The following ANKS1B variants were observed in gnomAD, a reference collection of about 807,000 sequenced individuals.
The protein encoded by ANKS1B is ankyrin repeat and sterile alpha motif domain containing 1B.
A neutral mutation model predicts 148.3 loss-of-function variants in ANKS1B; 36 were observed. The observed-to-expected ratio is 0.24, with a 90% CI of 0.19 to 0.32. The LOEUF is 0.32. Among genes scored for constraint, ANKS1B ranks in the 10% least tolerant of loss-of-function variants. The pLI, the probability that ANKS1B is intolerant of heterozygous loss-of-function variation, is 1.00. For synonymous variants in ANKS1B, 542 were observed against 560.8 expected (o/e 0.97, Z 0.47); for missense variants, 1,157 against 1,542.6 (o/e 0.75, Z 4.19).
intron 8 of ANKS1B, among the ~76,000 whole-genome samples, chr12:99,735,894 T>A (rs1417759784): frequency 7.0e-6 from 1 of 143,686 alleles, no homozygotes; most frequent in Non-Finnish European, 1.5e-5. Flanking sequence ...TCATAGCACA[T>A]CAAAAAGATA....
chr12:99,750,190 G>GT (rs1469154444), intron 8 of ANKS1B, among the ~76,000 whole-genome samples: 1 of 151,970 alleles, frequency 6.6e-6, no homozygotes, highest in Admixed American at 6.6e-5. Flanking sequence ...TTTTATGTGA[G>GT]TGAATGCATC....
At chr12:99,563,494 T>C (rs1034424141) in intron 9 of ANKS1B, among the ~76,000 whole-genome samples, 9 of 152,092 alleles carry the variant, frequency 5.9e-5, no homozygotes, top group African/African-American at 1.7e-4. Context: ...AGCTAGTCGG[T>C]GGAGCAGTCA....
intron 1 of ANKS1B, among the ~76,000 whole-genome samples, chr12:99,844,001 G>A (rs758918092): frequency 3.3e-5 from 5 of 152,090 alleles, no homozygotes; most frequent in Admixed American, 6.6e-5. Flanking sequence ...CTAATGATAG[G>A]TGATGTTGAG....
At chr12:99,764,742 A>C (rs1184174824) in intron 8 of ANKS1B, among the ~76,000 whole-genome samples, 1 of 152,224 alleles carries the variant, frequency 6.6e-6, no homozygotes, top group Non-Finnish European at 1.5e-5. Context: ...CCATTTTACT[A>C]AAATATATTT....
chr12:98,802,753 C>T (rs1384947732), intron 20 of ANKS1B, among the ~76,000 whole-genome samples: 1 of 151,800 alleles, frequency 6.6e-6, no homozygotes, highest in African/African-American at 2.4e-5. Flanking sequence ...CTAGTTGGAA[C>T]TCCTTCGGCT....
At chr12:99,556,410 G>T (rs983606796) in intron 9 of ANKS1B, among the ~76,000 whole-genome samples, 1 of 151,734 alleles carries the variant, frequency 6.6e-6, no homozygotes, top group Admixed American at 6.6e-5. Flanking sequence ...TTTTTTTTGG[G>T]GGGGAGCATG....
At chr12:98,794,657 G>T in intron 22 of ANKS1B, 1 of 874,820 alleles carries the variant, frequency 1.1e-6, no homozygotes, top group Non-Finnish European at 1.9e-6. Context: ...ATTCTGGAAA[G>T]CAGCTGGTAA....
chr12:99,057,342 TC>T (rs2040556614), intron 16 of ANKS1B, among the ~76,000 whole-genome samples: 1 of 152,192 alleles, frequency 6.6e-6, no homozygotes, highest in Non-Finnish European at 1.5e-5. Flanking sequence ...TTCTCTTTTC[TC>T]CCCATTGCCC....
intron 12 of ANKS1B, among the ~76,000 whole-genome samples, chr12:99,353,582 C>T (rs1235126357): frequency 2.0e-5 from 3 of 151,956 alleles, no homozygotes; most frequent in Non-Finnish European, 4.4e-5. Context: ...ATTTAGTTTC[C>T]TTTTAATCTT....
chr12:99,667,522 T>C (rs2098515440), intron 8 of ANKS1B, among the ~76,000 whole-genome samples: 1 of 152,220 alleles, frequency 6.6e-6, no homozygotes, highest in Admixed American at 6.5e-5. Context: ...TAAATGATCA[T>C]ATCACCTGTG....
intron 12 of ANKS1B, among the ~76,000 whole-genome samples, chr12:99,284,930 T>C (rs80247665): frequency 0.016 from 2,392 of 152,304 alleles, 67 homozygotes; most frequent in African/African-American, 0.054. Flanking sequence ...ATCTATATAG[T>C]GTATATACAT....
chr12:99,029,752 T>C (rs1316524096), intron 17 of ANKS1B, among the ~76,000 whole-genome samples: 2 of 152,234 alleles, frequency 1.3e-5, no homozygotes, highest in Admixed American at 1.3e-4. Flanking sequence ...GTAAAGAAGA[T>C]TGACTGAAGG....
At chr12:99,762,841 G>T (rs1376684632) in intron 8 of ANKS1B, among the ~76,000 whole-genome samples, 1 of 151,764 alleles carries the variant, frequency 6.6e-6, no homozygotes, top group Non-Finnish European at 1.5e-5. Flanking sequence ...TTAAAAAATG[G>T]GTAAAGGACA....
Position 99,035,150 on chromosome 12 carries a change from T to C in ANKS1B, c.2778+18007A>G, listed in dbSNP as rs117132596. On this transcript the variant is annotated intron_variant, in intron 17 of 26. Transcript: ENST00000683438. ...TCCCATTCTCTCCTGAGGCTAGCTA[T>C]AGAAACTAGGATCCCTCTTCCCCAG... Among the ~76,000 whole-genome samples the C allele has an allele frequency of 3.4e-3, 524 of 152,282 alleles. 22 individuals are homozygous for C. The East Asian group carries it at 0.07, about 20-fold the overall frequency.
chr12:98,792,876 A>C (rs904989636), intron 22 of ANKS1B, among the ~76,000 whole-genome samples: 1 of 152,226 alleles, frequency 6.6e-6, no homozygotes, highest in Non-Finnish European at 1.5e-5. Flanking sequence ...ATTTTAAATA[A>C]ACACTTAGCT....
intron 8 of ANKS1B, among the ~76,000 whole-genome samples, chr12:99,733,497 GAA>G (rs2059355365): frequency 6.6e-6 from 1 of 152,156 alleles, no homozygotes; most frequent in African/African-American, 2.4e-5. Flanking sequence ...CATTTGAGGA[GAA>G]ATTACAATGT....
intron 8 of ANKS1B, among the ~76,000 whole-genome samples, chr12:99,760,000 AT>A (rs2061935218): frequency 6.6e-6 from 1 of 151,872 alleles, no homozygotes; most frequent in East Asian, 1.9e-4. Context: ...TGAAGAGTAT[AT>A]AAAAATGGTA....
chr12:98,880,113 G>A (rs935067634), intron 17 of ANKS1B, among the ~76,000 whole-genome samples: 13 of 152,216 alleles, frequency 8.5e-5, no homozygotes, highest in African/African-American at 2.2e-4. Flanking sequence ...GCTAACCTTC[G>A]GAAAGCTACA....
chr12:99,670,180 C>A (rs938013013), intron 8 of ANKS1B, among the ~76,000 whole-genome samples: 5 of 152,114 alleles, frequency 3.3e-5, no homozygotes, highest in Non-Finnish European at 7.4e-5. Context: ...GCTAAATAAT[C>A]CCATTTCCTC....
Sources: gnomAD v4.1 joint callset for allele counts (sites outside exome capture counted in the v4.1 genomes callset) on GRCh38, gnomAD v4.1.1 for gene constraint, MANE v1.5 for transcripts, NCBI Gene and HGNC (gene_info 2026-07-23, HGNC 2026-07-21) for gene names.